The following CDK15 variants were observed in gnomAD, a reference collection of about 807,000 sequenced individuals.
CDK15 encodes the protein cyclin-dependent kinase 15.
CDK15 carries 62 observed loss-of-function variants against 60.3 expected under a neutral mutation model. The ratio of observed to expected loss-of-function variants is 1.03; its 90% confidence interval spans 0.84 to 1.27. CDK15 has a LOEUF of 1.27. Among genes scored for constraint, CDK15 ranks in the 50% most tolerant of loss-of-function variants. The pLI, the probability that CDK15 is intolerant of heterozygous loss-of-function variation, is 0.00. For synonymous variants in CDK15, 194 were observed against 195.7 expected (o/e 0.99, Z 0.07); for missense variants, 541 against 527.8 (o/e 1.03, Z -0.25).
intron 4 of CDK15, among the ~76,000 whole-genome samples, chr2:201,816,720 G>T (rs1009067067): frequency 6.6e-6 from 1 of 151,932 alleles, no homozygotes; most frequent in Non-Finnish European, 1.5e-5. Context: ...GATGGGACTC[G>T]ACTCCAGAGA....
At chr2:201,813,610 A>G (rs927898763) in intron 4 of CDK15, among the ~76,000 whole-genome samples, 2 of 152,244 alleles carry the variant, frequency 1.3e-5, no homozygotes, top group African/African-American at 2.4e-5. Flanking sequence ...AACAGAGCAC[A>G]TGATTCAAGT....
chr2:201,842,516 C>T (rs969276779), intron 8 of CDK15, among the ~76,000 whole-genome samples: 3 of 152,214 alleles, frequency 2.0e-5, no homozygotes, highest in African/African-American at 7.2e-5. Context: ...CCATATATTA[C>T]GTTATTCTGA....
chr2:201,853,859 G>T (rs6725214), intron 9 of CDK15, among the ~76,000 whole-genome samples: 11,286 of 152,036 alleles, frequency 0.074, 611 homozygotes, highest in East Asian at 0.22. Context: ...TAAAAACTGG[G>T]GCTTTAAATT....
chr2:201,839,683 CAGACAGAT>C (rs774844539), intron 8 of CDK15, among the ~76,000 whole-genome samples: 1,612 of 143,464 alleles, frequency 0.011, 15 homozygotes, highest in Non-Finnish European at 0.016. Context: ...GACAGACAGA[CAGACAGAT>C]AGATAGATAA....
chr2:201,891,873 C>T (rs1699649712), intron 13 of CDK15, among the ~76,000 whole-genome samples: 1 of 152,166 alleles, frequency 6.6e-6, no homozygotes, highest in Non-Finnish European at 1.5e-5. Context: ...TATGATTTGG[C>T]CACCCATTTG....
At chr2:201,814,463 T>C (rs974461465) in intron 4 of CDK15, among the ~76,000 whole-genome samples, 3 of 152,230 alleles carry the variant, frequency 2.0e-5, no homozygotes, top group Non-Finnish European at 4.4e-5. Flanking sequence ...TTTACACCAC[T>C]ATAAAAGCTT....
At chr2:201,824,791 G>T in intron 6 of CDK15, 1 of 694,802 alleles carries the variant, frequency 1.4e-6, no homozygotes, top group Admixed American at 3.3e-5. Flanking sequence ...TAAAGAAAAT[G>T]TGAAACACCC....
chr2:201,884,267 G>C (rs1457375294), intron 12 of CDK15, among the ~76,000 whole-genome samples: 2 of 151,944 alleles, frequency 1.3e-5, no homozygotes, highest in Non-Finnish European at 1.5e-5. Context: ...TTCCTTCCTG[G>C]ACTAAATCCC....
chr2:201,859,939 G>C (rs545583074), intron 10 of CDK15, among the ~76,000 whole-genome samples: 1 of 152,252 alleles, frequency 6.6e-6, no homozygotes, highest in East Asian at 1.9e-4. Context: ...GTAAACGGAG[G>C]CCTTACTCCT....
intron 8 of CDK15, among the ~76,000 whole-genome samples, chr2:201,838,259 G>A (rs930177884): frequency 6.6e-6 from 1 of 151,678 alleles, no homozygotes; most frequent in Non-Finnish European, 1.5e-5. Flanking sequence ...TGGGGGTGGG[G>A]TGGTGGGGGG....
chr2:201,846,591 A>G lies in CDK15; in HGVS notation c.852-790A>G, dbSNP rs1697681941. 2.0e-5 allele frequency among the ~76,000 whole-genome samples: 3 copies of G among 151,834 alleles called. No homozygotes were observed. The South Asian group carries it at 6.3e-4, about 32-fold the overall frequency. On this transcript the variant is annotated intron_variant, in intron 8 of 13. Coordinates refer to ENST00000652192, the MANE Select transcript of CDK15 (RefSeq NM_001366386.2). ...TCTTTTTTTTTTTAAACTCCTAGGA[A>G]CCAAATGGTTGTGGAGAAGGAGTAA...
chr2:201,847,359 T>A, intron 8 of CDK15, 22 bp from the exon 9 acceptor site: 1 of 1,599,798 alleles, frequency 6.3e-7, no homozygotes. Context: ...AAGTGTCAAT[T>A]TACTCTTATT....
At chr2:201,842,013 C>A (rs1304898346) in intron 8 of CDK15, among the ~76,000 whole-genome samples, 2 of 152,094 alleles carry the variant, frequency 1.3e-5, no homozygotes, top group Non-Finnish European at 2.9e-5. Context: ...TACCATTCAT[C>A]ACGATTTTCA....
chr2:201,806,920 C>A, intron 1 of CDK15, 133 bp downstream of exon 1: 1 of 1,087,092 alleles, frequency 9.2e-7, no homozygotes, highest in Non-Finnish European at 1.2e-6. Flanking sequence ...ATTAAAGTCA[C>A]AGAAAATTTA....
chr2:201,833,872 G>A lies in CDK15; in HGVS notation c.631G>A (p.Gly211Ser), dbSNP rs775709227. ...VRLFMFQLLR[G>S]LAYIHHQHVL... ...GCTTTTCATGTTTCAACTTTTGCGG[G>A]GCCTGGCGTACATCCACCACCAACA... Residue 211 changes from glycine to serine, a missense_variant, in exon 7 of 14, where the codon GGC becomes AGC. Gly to Ser is a moderately conservative substitution (Grantham distance 56). Transcript: ENST00000652192. 26 of 1,613,398 alleles carry A rather than the reference G, an allele frequency of 1.6e-5. No homozygotes were observed. In the Admixed American group the frequency reaches 4.2e-4, roughly 26 times the overall value.
chr2:201,806,605 A>T lies in CDK15; in HGVS notation c.-60A>T. 6.6e-7 allele frequency: 1 copy of T among 1,505,532 alleles called. No individual in the cohort carries two copies. The highest frequency in any genetic ancestry group is 8.9e-7 in the Non-Finnish European group (1 of 1,122,958). 93.3% of individuals were successfully genotyped at this position (1,505,532 alleles called of 1,614,324 possible). ...TCTGGCAAAAAGGGAGAGAACAAGG[A>T]TAGGAGAGGCAGTGGGGGAAAGGTT... On this transcript the variant is annotated 5_prime_UTR_variant, in exon 1 of 14. Transcript: ENST00000652192.
In CDK15 at chr2:201,895,418, A is replaced by G. The variant is rs1699749856; in HGVS notation, c.*2151A>G. The G allele has an allele frequency of 1.3e-5, 2 of 152,264 alleles. No individual in the cohort carries two copies. The highest frequency in any genetic ancestry group is 4.8e-5 in the African/African-American group (2 of 41,468). The allele number at this position is 152,264 out of a possible 1,614,324, so 9.4% of individuals were successfully genotyped here. A position where few individuals can be genotyped will look rare whatever the true frequency, so the allele number is the denominator to read the frequency against. ...ATGCATATGCATATACCTTATGCAT[A>G]TGATTATGCTTGTGCTTCCTTCTTT... On this transcript the variant is annotated 3_prime_UTR_variant, in exon 14 of 14. Transcript: ENST00000652192.
Position 201,894,016 on chromosome 2 carries a change from T to C in CDK15, c.*749T>C, listed in dbSNP as rs192347435. On this transcript the variant is annotated 3_prime_UTR_variant, in exon 14 of 14. Coordinates refer to ENST00000652192, the MANE Select transcript of CDK15 (RefSeq NM_001366386.2). ...AAGCGCTGGTTTGATGGTGGAGATA[T>C]TGAATAAGTAGTTGGGAGCAGAGTT... 6.6e-6 allele frequency: 1 copy of C among 151,660 alleles called. No individual in the cohort carries two copies. Among genetic ancestry groups the C allele is most frequent in the East Asian group, 1.9e-4 (1 of 5,160 alleles). The allele number at this position is 151,660 out of a possible 1,614,324, so 9.4% of individuals were successfully genotyped here. A position where few individuals can be genotyped will look rare whatever the true frequency, so the allele number is the denominator to read the frequency against.
intron 8 of CDK15, among the ~76,000 whole-genome samples, chr2:201,843,348 G>A (rs531379500): frequency 6.6e-6 from 1 of 152,004 alleles, no homozygotes; most frequent in African/African-American, 2.4e-5. Context: ...CACCATACCC[G>A]GCTAATTTTT....
Sources: gnomAD v4.1 joint callset for allele counts (sites outside exome capture counted in the v4.1 genomes callset) on GRCh38, gnomAD v4.1.1 for gene constraint, MANE v1.5 for transcripts, NCBI Gene and HGNC (gene_info 2026-07-23, HGNC 2026-07-21) for gene names.